Variants in KLHL32 observed in about 807,000 individuals in gnomAD.
KLHL32 encodes the protein kelch-like protein 32.
KLHL32 carries 35 observed loss-of-function variants against 64.8 expected under a neutral mutation model. That is an observed-to-expected ratio of 0.54 (90% CI 0.41 to 0.72). The LOEUF (loss-of-function observed/expected upper bound fraction) is 0.72, where lower values mean the gene tolerates loss of function less well. Among genes scored for constraint, KLHL32 ranks in the 30% least tolerant of loss-of-function variants. The probability of loss-of-function intolerance (pLI) is 0.00; values close to 1 mark genes in which losing one functional copy is unlikely to be tolerated. For missense variants in KLHL32, 589 were observed against 768.5 expected (o/e 0.77, Z 2.76); for synonymous variants, 259 against 281.0 (o/e 0.92, Z 0.78).
chr6:97,097,773 C>T (rs188669916), intron 6 of KLHL32, among the ~76,000 whole-genome samples: 4 of 152,252 alleles, frequency 2.6e-5, no homozygotes, highest in African/African-American at 7.2e-5. Flanking sequence ...GTTTCCATTC[C>T]GATTGTGCAG....
intron 5 of KLHL32, among the ~76,000 whole-genome samples, chr6:97,082,380 G>T (rs535060960): frequency 2.0e-5 from 3 of 152,060 alleles, no homozygotes; most frequent in South Asian, 2.1e-4. Flanking sequence ...TTGGGAGGCC[G>T]AGGCGGGCGG....
In KLHL32 at chr6:97,034,130, A is replaced by G. The variant is rs566506883; in HGVS notation, c.205-7362A>G. On this transcript the variant is annotated intron_variant, in intron 3 of 10. Transcript: ENST00000369261. ...CAATGTCAAGGAGCTTTTCCCCTAC[A>G]TTTTCTTCTGTATTGTTTCAAGTCT... 3.3e-5 allele frequency among the ~76,000 whole-genome samples: 5 copies of G among 151,886 alleles called. No homozygotes were observed. The South Asian group carries it at 1.0e-3, about 32-fold the overall frequency.
rs564303813 is a variant in KLHL32, at chr6:96,999,394, TCAA to T, written c.204+23233_204+23235del. On this transcript the variant is annotated intron_variant, in intron 3 of 10. Transcript: ENST00000369261. ...CTGATTGACAGAGTAAGACTCTGTC[TCAA>T]CAACAACAACAACAAAGAGTTAATT... The T allele has an allele frequency of 4.5e-4, 122 of 273,292 alleles. 1 individual carries two copies. The highest frequency in any genetic ancestry group is 2.0e-3 in the Admixed American group (31 of 15,410). The allele number at this position is 273,292 out of a possible 1,614,324, so 16.9% of individuals were successfully genotyped here.
chr6:97,010,949 G>A (rs1780331207), intron 3 of KLHL32, among the ~76,000 whole-genome samples: 1 of 152,176 alleles, frequency 6.6e-6, no homozygotes, highest in South Asian at 2.1e-4. Context: ...GCAAATACCA[G>A]TGGATGTGTG....
intron 3 of KLHL32, among the ~76,000 whole-genome samples, chr6:97,007,312 A>C (rs1464331988): frequency 1.3e-5 from 2 of 152,158 alleles, no homozygotes. Context: ...TGTATTATGT[A>C]ATCCTTAAAG....
At chr6:97,041,210 G>A (rs1474523351) in intron 3 of KLHL32, among the ~76,000 whole-genome samples, 6 of 152,070 alleles carry the variant, frequency 3.9e-5, no homozygotes, top group East Asian at 3.9e-4. Context: ...GAAAGCGTTC[G>A]GTGGGCCTAA....
chr6:97,109,555 T>A (rs1206158), intron 6 of KLHL32, among the ~76,000 whole-genome samples: 115,767 of 152,114 alleles, frequency 0.76, 44,522 homozygotes, highest in African/African-American at 0.87. Context: ...TTCTTTAGAG[T>A]TTTTCTTAAA....
At chr6:96,915,197 CA>C in the KLHL32 span, among the ~76,000 whole-genome samples, 1 of 152,174 alleles carries the variant, frequency 6.6e-6, no homozygotes, top group African/African-American at 2.4e-5. Flanking sequence ...AATTTAATCT[CA>C]ATGGTACCTA....
At chr6:96,964,611 C>G (rs964575747) in intron 1 of KLHL32, among the ~76,000 whole-genome samples, 5 of 152,158 alleles carry the variant, frequency 3.3e-5, no homozygotes, top group Non-Finnish European at 7.4e-5. Flanking sequence ...CGAGATCGCC[C>G]CACTGCAGTC....
chr6:96,957,365 G>A (rs556212272), intron 1 of KLHL32, among the ~76,000 whole-genome samples: 3 of 151,976 alleles, frequency 2.0e-5, no homozygotes, highest in Non-Finnish European at 2.9e-5. Context: ...TTTATTACAG[G>A]ACTTTCTAAT....
At chr6:97,077,393 A>AT (rs541096197) in intron 5 of KLHL32, among the ~76,000 whole-genome samples, 52 of 147,966 alleles carry the variant, frequency 3.5e-4, no homozygotes, top group East Asian at 1.6e-3. Context: ...ATAATGTCTG[A>AT]TTTTTTTTTT....
intron 9 of KLHL32, among the ~76,000 whole-genome samples, chr6:97,131,722 C>G (rs1799461789): frequency 1.3e-5 from 2 of 152,296 alleles, no homozygotes; most frequent in African/African-American, 2.4e-5. Context: ...TGAGTGGGCA[C>G]TCAATCCCTT....
intron 1 of KLHL32, among the ~76,000 whole-genome samples, chr6:96,958,740 C>T (rs1324271373): frequency 8.0e-6 from 1 of 124,628 alleles, no homozygotes; most frequent in Non-Finnish European, 1.8e-5. Context: ...GCAATGTTTC[C>T]CCACCCATTG....
At chr6:97,035,414 A>C (rs1766456) in intron 3 of KLHL32, among the ~76,000 whole-genome samples, 43,141 of 151,842 alleles carry the variant, frequency 0.28, 8,519 homozygotes, top group African/African-American at 0.55. Flanking sequence ...TGTATATTTA[A>C]TTTTGCCAGT....
intron 3 of KLHL32, among the ~76,000 whole-genome samples, chr6:96,978,422 G>A (rs184483030): frequency 6.3e-4 from 96 of 152,220 alleles, no homozygotes; most frequent in African/African-American, 2.2e-3. Context: ...ATGTTAGTTA[G>A]CTTAGAATAA....
At chr6:97,031,083 C>T (rs1783470930) in intron 3 of KLHL32, among the ~76,000 whole-genome samples, 1 of 152,144 alleles carries the variant, frequency 6.6e-6, no homozygotes, top group African/African-American at 2.4e-5. Context: ...GCCAAGGAGA[C>T]TTTGACCTTC....
Position 97,088,384 on chromosome 6 carries a change from A to T in KLHL32, c.627+3043A>T, listed in dbSNP as rs535737139. Among the ~76,000 whole-genome samples the T allele has an allele frequency of 5.9e-5, 9 of 152,280 alleles. No homozygotes were observed. In the East Asian group the frequency reaches 1.7e-3, roughly 29 times the overall value. ...GGACATTAGGTCACTTGCCTTTGTG[A>T]CCTGGCAAATCTCTATCTGTTTGAT... On this transcript the variant is annotated intron_variant, in intron 6 of 10. Coordinates refer to ENST00000369261, the MANE Select transcript of KLHL32 (RefSeq NM_052904.4).
chr6:96,952,456 C>G (rs1772739118), intron 1 of KLHL32, among the ~76,000 whole-genome samples: 1 of 152,172 alleles, frequency 6.6e-6, no homozygotes, highest in Admixed American at 6.5e-5. Context: ...CTGACTCCAT[C>G]TTGCTTCTAG....
At chr6:97,099,046 A>G (rs1023031368) in intron 6 of KLHL32, among the ~76,000 whole-genome samples, 23 of 152,236 alleles carry the variant, frequency 1.5e-4, no homozygotes, top group African/African-American at 4.8e-4. Flanking sequence ...AGGCCGTTTC[A>G]TCTTAAAGAA....
Sources: gnomAD v4.1 joint callset for allele counts (sites outside exome capture counted in the v4.1 genomes callset) on GRCh38, gnomAD v4.1.1 for gene constraint, MANE v1.5 for transcripts, NCBI Gene and HGNC (gene_info 2026-07-23, HGNC 2026-07-21) for gene names.